NLGN1: variants seen among roughly 807,000 people sequenced by gnomAD.
NLGN1 encodes the protein neuroligin-1.
A neutral mutation model predicts 65.5 loss-of-function variants in NLGN1; 12 were observed. That is an observed-to-expected ratio of 0.18 (90% CI 0.12 to 0.30). The LOEUF is 0.30. Ranked by LOEUF, NLGN1 falls within the 10% of genes least tolerant of loss-of-function variation. The pLI, the probability that NLGN1 is intolerant of heterozygous loss-of-function variation, is 1.00. For missense variants in NLGN1, 750 were observed against 1,007.1 expected (o/e 0.74, Z 3.46); for synonymous variants, 350 against 359.5 (o/e 0.97, Z 0.30).
chr3:173,574,185 G>A (rs1244649093), intron 2 of NLGN1, among the ~76,000 whole-genome samples: 1 of 151,196 alleles, frequency 6.6e-6, no homozygotes, highest in Non-Finnish European at 1.5e-5. Flanking sequence ...TTTAATTACC[G>A]ATTTGTTTTA....
At chr3:173,811,169 A>G (rs1397216723) in intron 4 of NLGN1, among the ~76,000 whole-genome samples, 1 of 152,208 alleles carries the variant, frequency 6.6e-6, no homozygotes, top group Non-Finnish European at 1.5e-5. Context: ...AGCATCTATT[A>G]TTTGATATAT....
At chr3:173,718,198 A>T (rs756332878) in intron 3 of NLGN1, among the ~76,000 whole-genome samples, 1 of 152,034 alleles carries the variant, frequency 6.6e-6, no homozygotes, top group South Asian at 2.1e-4. Flanking sequence ...ACAATAAATT[A>T]TTGTTAACTA....
At chr3:174,273,531 A>G (rs1243884689) in intron 4 of NLGN1, among the ~76,000 whole-genome samples, 1 of 151,502 alleles carries the variant, frequency 6.6e-6, no homozygotes, top group Non-Finnish European at 1.5e-5. Flanking sequence ...TTTGTATTTT[A>G]TTATCCTCTA....
chr3:173,819,292 C>G (rs2150521397), intron 4 of NLGN1, among the ~76,000 whole-genome samples: 1 of 152,196 alleles, frequency 6.6e-6, no homozygotes, highest in East Asian at 1.9e-4. Flanking sequence ...CCAATTGCAT[C>G]CCACACCACA....
chr3:174,110,069 A>G (rs1336306793), intron 4 of NLGN1, among the ~76,000 whole-genome samples: 1 of 151,980 alleles, frequency 6.6e-6, no homozygotes. Flanking sequence ...TTGTTTTTAG[A>G]GTGGTATACA....
chr3:174,086,384 CT>C lies in NLGN1; in HGVS notation c.647-188926del, dbSNP rs1386072392. Among the ~76,000 whole-genome samples, 3 of 119,842 alleles carry C rather than the reference CT, an allele frequency of 2.5e-5. No individual in the cohort carries two copies. The South Asian group carries it at 7.7e-4, about 31-fold the overall frequency. 78.6% of individuals were successfully genotyped at this position (119,842 alleles called of 152,430 possible). On this transcript the variant is annotated intron_variant, in intron 4 of 6. Transcript: ENST00000457714. ...ATATTATATGATTGTTAAACAAATA[CT>C]TTTTAATTTTTTTGCCTAATCTTAA...
chr3:173,415,943 A>AGAGAGAGAGCGCGCGCGC (rs141095727), intron 1 of NLGN1, among the ~76,000 whole-genome samples: 1 of 142,828 alleles, frequency 7.0e-6, no homozygotes, highest in African/African-American at 2.8e-5. Context: ...AGAGAGAGAG[A>AGAGAGAGAGCGCGCGCGC]GCTTGGTATA....
At chr3:173,709,820 AAAAAAAATC>A in intron 3 of NLGN1, among the ~76,000 whole-genome samples, 1 of 151,448 alleles carries the variant, frequency 6.6e-6, no homozygotes, top group Non-Finnish European at 1.5e-5. Flanking sequence ...AAAAAAAAAA[AAAAAAAATC>A]AAGAACCATA....
chr3:173,929,495 T>G (rs1034975421), intron 4 of NLGN1, among the ~76,000 whole-genome samples: 3 of 151,932 alleles, frequency 2.0e-5, no homozygotes, highest in Non-Finnish European at 4.4e-5. Flanking sequence ...TGGAGTTACC[T>G]TTTGCTGAGT....
At chr3:174,065,737 A>G (rs1375947208) in intron 4 of NLGN1, among the ~76,000 whole-genome samples, 2 of 151,906 alleles carry the variant, frequency 1.3e-5, no homozygotes, top group African/African-American at 4.8e-5. Flanking sequence ...ACAACATGAC[A>G]TTTCTGTTTC....
At chr3:174,203,829 T>C (rs544978794) in intron 4 of NLGN1, among the ~76,000 whole-genome samples, 2 of 152,314 alleles carry the variant, frequency 1.3e-5, no homozygotes, top group East Asian at 3.9e-4. Context: ...TATTAGAAAC[T>C]TAATCCAATC....
intron 4 of NLGN1, among the ~76,000 whole-genome samples, chr3:174,081,769 C>G (rs913278086): frequency 1.3e-5 from 2 of 151,972 alleles, no homozygotes; most frequent in African/African-American, 2.4e-5. Context: ...TGGGGTTTCT[C>G]CATGTTGATG....
At chr3:173,725,908 G>C (rs1049031843) in intron 3 of NLGN1, among the ~76,000 whole-genome samples, 1 of 152,088 alleles carries the variant, frequency 6.6e-6, no homozygotes, top group Non-Finnish European at 1.5e-5. Context: ...TGCTGCCGCT[G>C]TTCCTTGCCA....
chr3:173,519,739 G>GT (rs1350431189), intron 2 of NLGN1, among the ~76,000 whole-genome samples: 1 of 150,736 alleles, frequency 6.6e-6, no homozygotes, highest in African/African-American at 2.4e-5. Flanking sequence ...ACCCTTTTAA[G>GT]TGACTTTCCT....
At chr3:174,221,163 A>C (rs185067002) in intron 4 of NLGN1, among the ~76,000 whole-genome samples, 50 of 152,258 alleles carry the variant, frequency 3.3e-4, no homozygotes, top group Admixed American at 7.2e-4. Context: ...GCCCACCTTG[A>C]AAAGATGGCA....
intron 4 of NLGN1, among the ~76,000 whole-genome samples, chr3:173,860,448 A>G (rs1023971388): frequency 4.0e-5 from 6 of 151,670 alleles, no homozygotes; most frequent in African/African-American, 1.5e-4. Flanking sequence ...CTTTTCTCAA[A>G]TTTTCTTTGG....
intron 4 of NLGN1, among the ~76,000 whole-genome samples, chr3:174,238,482 C>T (rs1320710279): frequency 2.0e-5 from 3 of 152,170 alleles, no homozygotes; most frequent in South Asian, 4.1e-4. Flanking sequence ...CCTGCCTCAG[C>T]CTTCTGAGTA....
At chr3:173,497,676 C>G (rs1730261151) in intron 2 of NLGN1, among the ~76,000 whole-genome samples, 1 of 151,684 alleles carries the variant, frequency 6.6e-6, no homozygotes, top group Non-Finnish European at 1.5e-5. Context: ...CAAATGTTAA[C>G]TAGTCAAAAC....
chr3:173,490,179 GTATTTTTT>G (rs1728875219), intron 2 of NLGN1, among the ~76,000 whole-genome samples: 1 of 152,044 alleles, frequency 6.6e-6, no homozygotes, highest in Non-Finnish European at 1.5e-5. Context: ...GTCCTAAATG[GTATTTTTT>G]TATTGCCTAG....
Sources: gnomAD v4.1 joint callset for allele counts (sites outside exome capture counted in the v4.1 genomes callset) on GRCh38, gnomAD v4.1.1 for gene constraint, MANE v1.5 for transcripts, NCBI Gene and HGNC (gene_info 2026-07-23, HGNC 2026-07-21) for gene names.